Variants in DKK2 observed in about 807,000 individuals in gnomAD.
The protein encoded by DKK2 is dickkopf Wnt signaling pathway inhibitor 2.
In DKK2, 11 loss-of-function variants were observed where a neutral mutation model predicts 28.1. The ratio of observed to expected loss-of-function variants is 0.39; its 90% CI spans 0.25 to 0.65. DKK2 has a LOEUF of 0.65. DKK2 is among the 30% of genes least tolerant of loss of function. The pLI, the probability that DKK2 is intolerant of heterozygous loss-of-function variation, is 0.47. For missense variants in DKK2, 326 were observed against 335.5 expected (o/e 0.97, Z 0.22); for synonymous variants, 135 against 126.5 (o/e 1.07, Z -0.45).
chr4:106,976,785 C>T (rs190708811), intron 1 of DKK2, among the ~76,000 whole-genome samples: 70 of 152,182 alleles, frequency 4.6e-4, no homozygotes, highest in African/African-American at 1.6e-3. Flanking sequence ...GTCATGATGA[C>T]GCTAACTGGT....
At chr4:106,957,060 A>C (rs1177308187) in intron 1 of DKK2, among the ~76,000 whole-genome samples, 1 of 151,914 alleles carries the variant, frequency 6.6e-6, no homozygotes, top group African/African-American at 2.4e-5. Context: ...TTACAAGAAA[A>C]AAACAAACAA....
intron 2 of DKK2, 84 bp from the exon 3 acceptor site, chr4:106,924,784 T>C: frequency 7.5e-7 from 1 of 1,338,432 alleles, no homozygotes; most frequent in Non-Finnish European, 1.0e-6. Flanking sequence ...ATGTGAAATA[T>C]GAAGCCATTT....
chr4:107,024,009 CT>C (rs1034564048), intron 1 of DKK2, among the ~76,000 whole-genome samples: 1 of 152,050 alleles, frequency 6.6e-6, no homozygotes, highest in African/African-American at 2.4e-5. Flanking sequence ...AAAACACTCA[CT>C]TTCTTCTTTA....
intron 1 of DKK2, among the ~76,000 whole-genome samples, chr4:106,967,259 CTT>C (rs1560582227): frequency 6.6e-6 from 1 of 152,082 alleles, no homozygotes; most frequent in Non-Finnish European, 1.5e-5. Context: ...AGCCACCAAA[CTT>C]AGATAAGTAG....
intron 1 of DKK2, among the ~76,000 whole-genome samples, chr4:106,933,060 T>C (rs995224671): frequency 1.3e-5 from 2 of 152,228 alleles, no homozygotes; most frequent in African/African-American, 2.4e-5. Flanking sequence ...ATGGGGTTTC[T>C]TTACAAATTA....
intron 1 of DKK2, among the ~76,000 whole-genome samples, chr4:106,999,004 A>C (rs1432563010): frequency 2.0e-5 from 3 of 152,224 alleles, no homozygotes; most frequent in South Asian, 4.1e-4. Context: ...AACTCTTTAG[A>C]ATTATCCCTG....
intron 1 of DKK2, among the ~76,000 whole-genome samples, chr4:106,957,904 A>C (rs893808701): frequency 6.6e-6 from 1 of 150,678 alleles, no homozygotes; most frequent in African/African-American, 2.4e-5. Flanking sequence ...AAAGTATAAT[A>C]ATAATTAAAA....
intron 1 of DKK2, among the ~76,000 whole-genome samples, chr4:106,949,664 A>G (rs1724829545): frequency 6.6e-6 from 1 of 152,124 alleles, no homozygotes; most frequent in Non-Finnish European, 1.5e-5. Context: ...GTTTTCTTAT[A>G]TATGGAATGA....
At chr4:107,023,038 G>A (rs1008983649) in intron 1 of DKK2, among the ~76,000 whole-genome samples, 6 of 152,048 alleles carry the variant, frequency 3.9e-5, no homozygotes, top group African/African-American at 1.4e-4. Flanking sequence ...TAACCCCTGG[G>A]AAGGTGGATA....
intron 1 of DKK2, among the ~76,000 whole-genome samples, chr4:107,011,185 A>C (rs2110369104): frequency 6.6e-6 from 1 of 151,642 alleles, no homozygotes; most frequent in East Asian, 1.9e-4. Context: ...GTTTCTTAAA[A>C]TTTAGTTGCA....
chr4:106,942,780 T>C (rs1724720232), intron 1 of DKK2, among the ~76,000 whole-genome samples: 1 of 152,134 alleles, frequency 6.6e-6, no homozygotes, highest in South Asian at 2.1e-4. Context: ...AATTTTTTTT[T>C]CCCTCACATT....
intron 1 of DKK2, among the ~76,000 whole-genome samples, chr4:106,927,721 C>T (rs1044616676): frequency 6.6e-6 from 1 of 152,102 alleles, no homozygotes; most frequent in African/African-American, 2.4e-5. Context: ...CTCTTTCCCC[C>T]AAGCATTTTA....
chr4:106,947,770 G>A (rs1381550487), intron 1 of DKK2, among the ~76,000 whole-genome samples: 1 of 151,152 alleles, frequency 6.6e-6, no homozygotes, highest in Admixed American at 6.6e-5. Flanking sequence ...GAACTACTAG[G>A]CTCAAGCAAT....
chr4:107,012,973 A>G (rs997198522), intron 1 of DKK2, among the ~76,000 whole-genome samples: 3 of 150,938 alleles, frequency 2.0e-5, no homozygotes, highest in African/African-American at 7.3e-5. Context: ...ATATTTAAAC[A>G]TCTTTAGATT....
At position 106,923,782 on chromosome 4, in the gene DKK2, T is replaced by G. The variant is rs892491022; in HGVS notation, c.*172A>C. 10 of 869,614 alleles carry G rather than the reference T, an allele frequency of 1.1e-5. No homozygotes were observed. The highest frequency in any genetic ancestry group is 3.4e-5 in the African/African-American group (2 of 58,606). The allele number at this position is 869,614 out of a possible 1,614,324, so 53.9% of individuals were successfully genotyped here. ...CTGGCTGCACTGCATTTGTCACCCA[T>G]TCTAATCTATTCAGTTCATGTTTTC... is the stretch of plus-strand genomic sequence containing the variant. On this transcript the variant is annotated 3_prime_UTR_variant, in exon 4 of 4. Transcript: ENST00000285311.
intron 1 of DKK2, among the ~76,000 whole-genome samples, chr4:106,941,674 G>C (rs912733129): frequency 6.6e-6 from 1 of 152,100 alleles, no homozygotes; most frequent in Non-Finnish European, 1.5e-5. Context: ...ATGTTTGAGA[G>C]AGTTTGGGCA....
intron 1 of DKK2, among the ~76,000 whole-genome samples, chr4:106,938,577 T>C (rs932554759): frequency 7.9e-5 from 12 of 152,068 alleles, no homozygotes; most frequent in African/African-American, 2.9e-4. Context: ...TTCCAATCAA[T>C]AGAAAAAGAG....
At chr4:106,992,238 C>T (rs890877231) in intron 1 of DKK2, among the ~76,000 whole-genome samples, 9 of 152,148 alleles carry the variant, frequency 5.9e-5, no homozygotes, top group African/African-American at 1.9e-4. Context: ...AGTAGAAATG[C>T]TAAAGGTTTA....
chr4:107,022,289 CT>C (rs1723709210), intron 1 of DKK2, among the ~76,000 whole-genome samples: 1 of 152,092 alleles, frequency 6.6e-6, no homozygotes, highest in African/African-American at 2.4e-5. Context: ...TGTTTGTTGA[CT>C]GTGATCATAG....
Sources: gnomAD v4.1 joint callset for allele counts (sites outside exome capture counted in the v4.1 genomes callset) on GRCh38, gnomAD v4.1.1 for gene constraint, MANE v1.5 for transcripts, NCBI Gene and HGNC (gene_info 2026-07-23, HGNC 2026-07-21) for gene names.